BTBD16: variants seen among roughly 807,000 people sequenced by gnomAD.
BTBD16 encodes the protein BTB/POZ domain-containing protein 16.
A neutral mutation model predicts 67.4 loss-of-function variants in BTBD16; 66 were observed. The ratio of observed to expected loss-of-function variants is 0.98; its 90% CI spans 0.80 to 1.20. The LOEUF (loss-of-function observed/expected upper bound fraction) is 1.20. Among genes scored for constraint, BTBD16 ranks in the 50% most tolerant of loss-of-function variants. The pLI is 0.00. For synonymous variants in BTBD16, 242 were observed against 236.4 expected, an observed-to-expected ratio of 1.02 and a Z score of -0.22; for missense variants, 634 against 616.0, an observed-to-expected ratio of 1.03 and a Z score of -0.31.
intron 15 of BTBD16, among the ~76,000 whole-genome samples, chr10:122,337,554 T>A (rs2133335970): frequency 6.6e-6 from 1 of 152,266 alleles, no homozygotes; most frequent in South Asian, 2.1e-4. Flanking sequence ...AAGCTCCACC[T>A]CCCGGGTTCA....
rs747392512 is a variant in BTBD16, at chr10:122,289,998, G to T, written c.475G>T (p.Ala159Ser). ...CAATGACCCACTGGTCACTAAAGTC[G>T]GTATGTATATACCCGTCTATATTCT... ...KINDPLVTKV[A>S]FATALKNLYM... The change falls in exon 6 of 16, where the codon GCC becomes TCC. Residue 159 changes from alanine (A) to serine (S), a missense_variant and splice_region_variant. Transcript: ENST00000260723. 6.3e-7 allele frequency: 1 copy of T among 1,592,908 alleles called. No homozygotes were observed. Among genetic ancestry groups the T allele is most frequent in the Non-Finnish European group, 8.6e-7 (1 of 1,161,364 alleles).
At chr10:122,272,628 A>G (rs1292327994) in intron 1 of BTBD16, among the ~76,000 whole-genome samples, 1 of 151,982 alleles carries the variant, frequency 6.6e-6, no homozygotes, top group Non-Finnish European at 1.5e-5. Flanking sequence ...GGCATGAGCC[A>G]CTGGGCCTGG....
chr10:122,325,704 C>A (rs537484319), intron 10 of BTBD16, among the ~76,000 whole-genome samples: 141 of 151,056 alleles, frequency 9.3e-4, no homozygotes, highest in Non-Finnish European at 1.6e-3. Flanking sequence ...GAGATGGAGT[C>A]TCGCTGTGTT....
rs1484888361 is a variant in BTBD16 at position 122,299,197 on chromosome 10, T to A, written c.791+63T>A. ...GGATGGGAGAAAGTAGGGGCCAGGC[T>A]GGGGAGGGAGGTGCTCTGATGGAGG... is the stretch of plus-strand genomic sequence containing the variant. On this transcript the variant is annotated intron_variant, in intron 9 of 15. Coordinates refer to ENST00000260723, the MANE Select transcript of BTBD16 (RefSeq NM_144587.5). 2.5e-6 allele frequency: 4 copies of A among 1,581,268 alleles called. No individual in the cohort carries two copies. In the Admixed American group the frequency reaches 5.2e-5, roughly 21 times the overall value.
intron 10 of BTBD16, among the ~76,000 whole-genome samples, chr10:122,317,400 C>A (rs2096427267): frequency 6.6e-6 from 1 of 152,038 alleles, no homozygotes; most frequent in Admixed American, 6.5e-5. Context: ...GTAATCCCAA[C>A]ACTTTGGGAG....
At chr10:122,324,673 G>A (rs961071954) in intron 10 of BTBD16, among the ~76,000 whole-genome samples, 1 of 151,704 alleles carries the variant, frequency 6.6e-6, no homozygotes, top group Non-Finnish European at 1.5e-5. Context: ...ATTATCTGAC[G>A]TTCATGCTTC....
chr10:122,331,255 C>T lies in BTBD16; in HGVS notation c.1083C>T (p.His361=), dbSNP rs370194683. 741 of 1,613,388 alleles carry T rather than the reference C, an allele frequency of 4.6e-4. 4 individuals are homozygous for T. In the South Asian group the frequency reaches 5.7e-3, roughly 12 times the overall value. The change falls in exon 12 of 16, where the codon CAC becomes CAT. Residue 361 remains histidine (H), a synonymous_variant. Coordinates refer to ENST00000260723, the MANE Select transcript of BTBD16 (RefSeq NM_144587.5). ...ACCAGGTTACAGTCAACCATTACCA[C>T]GCAGTGAGTTGCCTGCTCTGCAAGG... ...WLDQVTVNHY[H]ALENGGDMVH...
At chr10:122,300,153 G>A (rs2096391118) in intron 9 of BTBD16, among the ~76,000 whole-genome samples, 1 of 152,142 alleles carries the variant, frequency 6.6e-6, no homozygotes, top group African/African-American at 2.4e-5. Flanking sequence ...CTTCATCTCA[G>A]ATTCTTTCCC....
At chr10:122,278,498 T>G (rs1439926290) in intron 3 of BTBD16, among the ~76,000 whole-genome samples, 1 of 152,252 alleles carries the variant, frequency 6.6e-6, no homozygotes, top group African/African-American at 2.4e-5. Context: ...AAATAGTAGA[T>G]GCTTAGTAAA....
intron 9 of BTBD16, among the ~76,000 whole-genome samples, chr10:122,306,071 T>C (rs1450861029): frequency 6.6e-6 from 1 of 152,182 alleles, no homozygotes; most frequent in Non-Finnish European, 1.5e-5. Flanking sequence ...TTATTCTAGA[T>C]GACCTGGGTG....
intron 10 of BTBD16, among the ~76,000 whole-genome samples, chr10:122,308,497 T>C (rs2096407646): frequency 6.6e-6 from 1 of 152,196 alleles, no homozygotes; most frequent in South Asian, 2.1e-4. Context: ...AGTCATGTCA[T>C]TGCCCCGACC....
intron 8 of BTBD16, 105 bp from the exon 9 acceptor site, chr10:122,298,899 C>T: frequency 6.8e-7 from 1 of 1,473,262 alleles, no homozygotes; most frequent in Admixed American, 2.0e-5. Context: ...TTGAGCGCCT[C>T]TGCAGTGACT....
At chr10:122,303,082 TA>T (rs1225818667) in intron 9 of BTBD16, among the ~76,000 whole-genome samples, 14 of 152,222 alleles carry the variant, frequency 9.2e-5, no homozygotes, top group African/African-American at 3.1e-4. Context: ...AAGGTAGAAT[TA>T]TAATACAAAA....
At chr10:122,333,210 C>G (rs1014604355) in intron 13 of BTBD16, among the ~76,000 whole-genome samples, 5 of 152,160 alleles carry the variant, frequency 3.3e-5, no homozygotes, top group Non-Finnish European at 5.9e-5. Flanking sequence ...CCTGGAGAGG[C>G]TGGCTCAGCC....
intron 10 of BTBD16, among the ~76,000 whole-genome samples, chr10:122,310,471 G>C (rs2096411787): frequency 6.6e-6 from 1 of 152,194 alleles, no homozygotes; most frequent in African/African-American, 2.4e-5. Context: ...TGGAGGTGGA[G>C]GGAGACTGCA....
intron 3 of BTBD16, among the ~76,000 whole-genome samples, chr10:122,278,009 A>G (rs927976580): frequency 2.0e-5 from 3 of 152,210 alleles, no homozygotes; most frequent in Admixed American, 6.5e-5. Flanking sequence ...CTGGCACAGA[A>G]GAACTGCCTG....
At chr10:122,329,355 C>G in intron 10 of BTBD16, 125 bp from the exon 11 acceptor site, 1 of 813,438 alleles carries the variant, frequency 1.2e-6, no homozygotes, top group Non-Finnish European at 2.0e-6. Flanking sequence ...CCAGAGGGAC[C>G]GAGGCCCCAT....
Position 122,286,208 on chromosome 10 carries a change from C to T in BTBD16, c.345C>T (p.Gly115=). Residue 115 remains glycine, a synonymous_variant, in exon 5 of 16, where the codon GGC becomes GGT. Coordinates refer to ENST00000260723, the MANE Select transcript of BTBD16 (RefSeq NM_144587.5). ...AKLYLKALAQ[G]TTHPLRELEE... ...TCTACCTGAAAGCCCTGGCGCAGGG[C>T]ACCACACACCCCCTGAGGGAGCTGG... The T allele has an allele frequency of 6.2e-7, 1 of 1,613,686 alleles. No individual in the cohort carries two copies. Among genetic ancestry groups the T allele is most frequent in the East Asian group, 2.2e-5 (1 of 44,876 alleles).
intron 9 of BTBD16, among the ~76,000 whole-genome samples, chr10:122,299,942 C>G (rs182455538): frequency 4.5e-4 from 68 of 152,316 alleles, no homozygotes; most frequent in Non-Finnish European, 7.5e-4. Context: ...CGGGGCCCCC[C>G]CTGAAACTTC....
Sources: allele counts gnomAD v4.1 joint callset (sites outside exome capture counted in the v4.1 genomes callset), GRCh38; gene constraint gnomAD v4.1.1; transcripts MANE v1.5; gene names NCBI Gene and HGNC (gene_info 2026-07-23, HGNC 2026-07-21).